CNBD1: variants seen among roughly 807,000 people sequenced by gnomAD.
CNBD1 encodes cyclic nucleotide-binding domain-containing protein 1.
A neutral mutation model predicts 54.4 loss-of-function variants in CNBD1; 71 were observed. That is an observed-to-expected ratio of 1.30 (90% CI 1.08 to 1.59). CNBD1 has a LOEUF of 1.59. Among genes scored for constraint, CNBD1 ranks in the 40% most tolerant of loss-of-function variants. The pLI, the probability that CNBD1 is intolerant of heterozygous loss-of-function variation, is 0.00. For missense variants in CNBD1, 659 were observed against 518.0 expected (o/e 1.27, Z -2.64); for synonymous variants, 182 against 170.7 (o/e 1.07, Z -0.51).
chr8:87,302,041 C>T (rs973671520), intron 8 of CNBD1, among the ~76,000 whole-genome samples: 35 of 152,230 alleles, frequency 2.3e-4, no homozygotes, highest in African/African-American at 7.7e-4. Flanking sequence ...GGATTCACAG[C>T]CGAATTCTAC....
At position 86,945,034 on chromosome 8, in the gene CNBD1, TGC is replaced by T. The variant is rs201019572; in HGVS notation, c.431+5281_431+5282del. Among the ~76,000 whole-genome samples, 873 of 152,330 alleles carry T rather than the reference TGC, an allele frequency of 5.7e-3. 17 individuals carry two copies. The highest frequency in any genetic ancestry group is 0.02 in the African/African-American group (829 of 41,584). On this transcript the variant is annotated intron_variant, in intron 4 of 10. Transcript: ENST00000518476. Reference sequence around the variant, plus strand: ...GGAGAATCCTGGGCAAATCATCTGATGCTCTCACATGTTGGTATTTGATTGCA... The same window carrying T: ...GGAGAATCCTGGGCAAATCATCTGATTCTCACATGTTGGTATTTGATTGCA...
At chr8:87,203,893 A>G (rs1332487864) in intron 4 of CNBD1, among the ~76,000 whole-genome samples, 1 of 152,230 alleles carries the variant, frequency 6.6e-6, no homozygotes, top group Non-Finnish European at 1.5e-5. Context: ...CATTACAGTC[A>G]TTGATTCAGA....
At chr8:87,237,324 G>C (rs1807605386) in intron 6 of CNBD1, 1 of 361,848 alleles carries the variant, frequency 2.8e-6, no homozygotes, top group Non-Finnish European at 4.9e-6. Context: ...ACCACTGGCA[G>C]GGTTTGTGTG....
chr8:87,271,195 T>A (rs577609245), intron 6 of CNBD1, among the ~76,000 whole-genome samples: 1 of 151,990 alleles, frequency 6.6e-6, no homozygotes, highest in East Asian at 1.9e-4. Flanking sequence ...TTTCTCTACT[T>A]TGTTTATCTT....
Position 87,076,668 on chromosome 8 carries a change from T to A in CNBD1, c.432-129325T>A, listed in dbSNP as rs891946234. ...CGTGTTAGCCAGGATAGTCTCGATC[T>A]CCTGACCTTGTGATCTGCTTGCCTT... is the stretch of plus-strand genomic sequence containing the variant. On this transcript the variant is annotated intron_variant, in intron 4 of 10. Transcript: ENST00000518476. Among the ~76,000 whole-genome samples, 42 of 152,234 alleles carry A rather than the reference T, an allele frequency of 2.8e-4. 1 individual carries two copies. Among genetic ancestry groups the A allele is most frequent in the African/African-American group, 1.0e-3 (42 of 41,550 alleles).
intron 8 of CNBD1, among the ~76,000 whole-genome samples, chr8:87,291,466 T>C (rs1808784062): frequency 6.6e-6 from 1 of 152,194 alleles, no homozygotes; most frequent in Non-Finnish European, 1.5e-5. Flanking sequence ...AATATTAGCT[T>C]TGTAGGTCAT....
chr8:87,375,106 G>A (rs905427462), intron 10 of CNBD1, among the ~76,000 whole-genome samples: 5 of 151,770 alleles, frequency 3.3e-5, no homozygotes, highest in Admixed American at 6.6e-5. Context: ...AAATATATGT[G>A]CATAAAGAAG....
chr8:87,281,555 T>G (rs1227018316), intron 6 of CNBD1, among the ~76,000 whole-genome samples: 174 of 3,936 alleles, frequency 0.044, 2 homozygotes, highest in African/African-American at 0.15. Context: ...TATATATATA[T>G]ATATATATAT....
chr8:87,109,844 G>A (rs532523131), intron 4 of CNBD1, among the ~76,000 whole-genome samples: 17 of 152,168 alleles, frequency 1.1e-4, no homozygotes, highest in African/African-American at 4.1e-4. Context: ...AGCCAAGTCA[G>A]AGTTTTTTGT....
At chr8:87,260,162 G>T (rs1389003085) in intron 6 of CNBD1, among the ~76,000 whole-genome samples, 3 of 152,162 alleles carry the variant, frequency 2.0e-5, no homozygotes, top group South Asian at 4.1e-4. Flanking sequence ...TTAATTTTGA[G>T]ATTGCAAAGG....
At chr8:86,963,543 G>T (rs2130475209) in intron 4 of CNBD1, among the ~76,000 whole-genome samples, 1 of 152,262 alleles carries the variant, frequency 6.6e-6, no homozygotes, top group South Asian at 2.1e-4. Flanking sequence ...CTCTACCATT[G>T]CCTCCCTATC....
chr8:87,307,747 ATT>A, intron 8 of CNBD1, among the ~76,000 whole-genome samples: 1 of 59,646 alleles, frequency 1.7e-5, no homozygotes, highest in African/African-American at 5.9e-5. Context: ...CAAAAAAAAA[ATT>A]ATATATATAT....
intron 4 of CNBD1, among the ~76,000 whole-genome samples, chr8:86,944,733 G>T (rs892367831): frequency 6.6e-6 from 1 of 152,170 alleles, no homozygotes; most frequent in Non-Finnish European, 1.5e-5. Context: ...GGGTCTCATA[G>T]CCCATGAAGG....
chr8:87,077,326 C>T (rs1233597064), intron 4 of CNBD1, among the ~76,000 whole-genome samples: 1 of 151,694 alleles, frequency 6.6e-6, no homozygotes, highest in Non-Finnish European at 1.5e-5. Context: ...GTTCTCTTCC[C>T]GGTTTATGAA....
At chr8:86,899,096 C>T (rs1444837176) in intron 2 of CNBD1, among the ~76,000 whole-genome samples, 1 of 148,042 alleles carries the variant, frequency 6.8e-6, no homozygotes, top group Admixed American at 6.8e-5. Flanking sequence ...AATACTACAT[C>T]ATCCCACTTA....
intron 4 of CNBD1, among the ~76,000 whole-genome samples, chr8:86,944,795 A>G (rs1156609208): frequency 6.6e-6 from 1 of 152,186 alleles, no homozygotes; most frequent in African/African-American, 2.4e-5. Flanking sequence ...GCAAAAGGTC[A>G]TGTGTGGATG....
chr8:86,918,941 A>C (rs557301756), intron 3 of CNBD1, among the ~76,000 whole-genome samples: 1 of 151,688 alleles, frequency 6.6e-6, no homozygotes, highest in African/African-American at 2.4e-5. Context: ...ATTTCACTCT[A>C]TGTTCATGTG....
intron 3 of CNBD1, among the ~76,000 whole-genome samples, chr8:86,927,409 A>C (rs532397697): frequency 6.6e-6 from 1 of 152,134 alleles, no homozygotes; most frequent in Admixed American, 6.6e-5. Flanking sequence ...AACAGGGAGA[A>C]GGTGATGATT....
chr8:87,249,779 GACAGTATGCAAGATAA>G (rs1322587789), intron 6 of CNBD1, among the ~76,000 whole-genome samples: 3 of 152,144 alleles, frequency 2.0e-5, no homozygotes, highest in African/African-American at 7.2e-5. Context: ...GAGTTAGTTT[GACAGTATGCAAGATAA>G]CTTAATCATC....
Sources: allele counts gnomAD v4.1 joint callset (sites outside exome capture counted in the v4.1 genomes callset), GRCh38; gene constraint gnomAD v4.1.1; transcripts MANE v1.5; gene names NCBI Gene and HGNC (gene_info 2026-07-23, HGNC 2026-07-21).